Variants in CSMD1 observed in about 807,000 individuals in gnomAD.
CSMD1 encodes CUB and Sushi multiple domains 1, also known as CUB and sushi domain-containing protein 1.
CSMD1 carries 213 observed loss-of-function variants against 417.5 expected under a neutral mutation model. That is an observed-to-expected ratio of 0.51 (90% CI 0.46 to 0.57). The LOEUF is 0.57. Among genes scored for constraint, CSMD1 ranks in the 20% least tolerant of loss-of-function variants. The pLI, the probability that CSMD1 is intolerant of heterozygous loss-of-function variation, is 0.00. For missense variants in CSMD1, 6,923 were observed against 4,529.7 expected (o/e 1.53, Z -15.17); for synonymous variants, 2,862 against 1,736.8 (o/e 1.65, Z -16.11).
intron 1 of CSMD1, among the ~76,000 whole-genome samples, chr8:4,883,141 A>G (rs1803517671): frequency 6.6e-6 from 1 of 152,146 alleles, no homozygotes; most frequent in South Asian, 2.1e-4. Flanking sequence ...AGAATTCAAT[A>G]TCGCAATGGG....
intron 2 of CSMD1, among the ~76,000 whole-genome samples, chr8:4,465,488 C>T (rs1396081144): frequency 1.3e-5 from 2 of 152,280 alleles, no homozygotes; most frequent in African/African-American, 2.4e-5. Context: ...GTTCGTCGTC[C>T]TCCCAAGAGG....
chr8:4,174,481 T>C (rs1305276107), intron 3 of CSMD1, among the ~76,000 whole-genome samples: 1 of 151,674 alleles, frequency 6.6e-6, no homozygotes, highest in Non-Finnish European at 1.5e-5. Context: ...TGGAAGGTTA[T>C]TAAATCTTTG....
In CSMD1 at chr8:4,391,605, C is replaced by G. The variant is rs1803854399; in HGVS notation, c.415+28348G>C. Among the ~76,000 whole-genome samples, 3 of 152,054 alleles carry G rather than the reference C, an allele frequency of 2.0e-5. No individual in the cohort carries two copies. The South Asian group carries it at 6.2e-4, about 32-fold the overall frequency. On this transcript the variant is annotated intron_variant, in intron 3 of 69. Coordinates refer to ENST00000635120, the MANE Select transcript of CSMD1 (RefSeq NM_033225.6). ...ACCCTATTTTTGCCCCCGCTTTTGACTCCAGACCAAGCAGAGGAAGTGAAA... is the reference window on the plus strand; with the variant it reads ...ACCCTATTTTTGCCCCCGCTTTTGAGTCCAGACCAAGCAGAGGAAGTGAAA...
chr8:4,717,261 A>G (rs1257180877), intron 1 of CSMD1, among the ~76,000 whole-genome samples: 4 of 150,494 alleles, frequency 2.7e-5, no homozygotes, highest in African/African-American at 9.9e-5. Context: ...GGATGAAAAT[A>G]GGGCCTCAAA....
At chr8:3,634,180 C>G (rs375522934) in intron 7 of CSMD1, among the ~76,000 whole-genome samples, 1 of 152,224 alleles carries the variant, frequency 6.6e-6, no homozygotes, top group South Asian at 2.1e-4. Context: ...AGAGTGTCTT[C>G]GTTTACCTGG....
At chr8:3,739,729 G>T (rs767799865) in intron 6 of CSMD1, among the ~76,000 whole-genome samples, 34 of 152,204 alleles carry the variant, frequency 2.2e-4, no homozygotes, top group Admixed American at 1.2e-3. Flanking sequence ...TTAAACTATT[G>T]ATCCACAGTT....
At chr8:3,338,794 G>A (rs1251367274) in intron 23 of CSMD1, among the ~76,000 whole-genome samples, 1 of 149,516 alleles carries the variant, frequency 6.7e-6, no homozygotes, top group Non-Finnish European at 1.5e-5. Context: ...AGATCCAGCT[G>A]TTCATCTCCA....
At chr8:3,681,175 G>A (rs1372113528) in intron 7 of CSMD1, among the ~76,000 whole-genome samples, 8 of 152,144 alleles carry the variant, frequency 5.3e-5, no homozygotes, top group Admixed American at 2.6e-4. Flanking sequence ...CATAGTGTTG[G>A]AAGTTCTGGC....
intron 2 of CSMD1, among the ~76,000 whole-genome samples, chr8:4,567,657 C>T (rs71523637): frequency 0.015 from 2,254 of 152,194 alleles, 22 homozygotes; most frequent in Non-Finnish European, 0.022. Flanking sequence ...CAATAAAGGA[C>T]GAAGGTTCTT....
intron 42 of CSMD1, among the ~76,000 whole-genome samples, chr8:3,114,142 G>T (rs1816708622): frequency 6.6e-6 from 1 of 152,154 alleles, no homozygotes; most frequent in South Asian, 2.1e-4. Context: ...CACTTGGGAG[G>T]CTGAAGTAGG....
At chr8:4,513,071 G>A (rs1257480577) in intron 2 of CSMD1, among the ~76,000 whole-genome samples, 1 of 152,118 alleles carries the variant, frequency 6.6e-6, no homozygotes, top group Non-Finnish European at 1.5e-5. Context: ...TATAAGGATG[G>A]ATACATGTTA....
At chr8:3,060,662 A>T (rs1226863702) in intron 49 of CSMD1, among the ~76,000 whole-genome samples, 4 of 152,204 alleles carry the variant, frequency 2.6e-5, no homozygotes, top group Non-Finnish European at 5.9e-5. Context: ...GGAAACAATC[A>T]GGTATTTCAA....
intron 3 of CSMD1, among the ~76,000 whole-genome samples, chr8:4,201,151 A>C (rs1468790176): frequency 6.6e-6 from 1 of 152,186 alleles, no homozygotes; most frequent in African/African-American, 2.4e-5. Flanking sequence ...GTAGAATTAA[A>C]ATGACTACTG....
chr8:4,791,060 G>A (rs926243945), intron 1 of CSMD1, among the ~76,000 whole-genome samples: 1 of 117,166 alleles, frequency 8.5e-6, no homozygotes, highest in Non-Finnish European at 2.0e-5. Flanking sequence ...AGCTAGTAGG[G>A]AGAGAGACGG....
intron 41 of CSMD1, among the ~76,000 whole-genome samples, chr8:3,139,835 T>C (rs1818322603): frequency 6.6e-6 from 1 of 152,032 alleles, no homozygotes; most frequent in Admixed American, 6.6e-5. Flanking sequence ...TCTGAAATAG[T>C]AGGAAGAGAG....
chr8:3,998,752 A>C (rs1042448292), intron 4 of CSMD1, among the ~76,000 whole-genome samples: 3 of 151,930 alleles, frequency 2.0e-5, no homozygotes, highest in Non-Finnish European at 2.9e-5. Flanking sequence ...TAACAATTAA[A>C]AAATTATTGG....
At chr8:3,756,132 G>A (rs1797643373) in intron 5 of CSMD1, among the ~76,000 whole-genome samples, 2 of 151,928 alleles carry the variant, frequency 1.3e-5, no homozygotes. Context: ...CGAGGCAGGT[G>A]GATCAAGAGG....
intron 25 of CSMD1, among the ~76,000 whole-genome samples, chr8:3,302,511 C>T (rs1188423270): frequency 6.6e-6 from 1 of 152,182 alleles, no homozygotes; most frequent in Non-Finnish European, 1.5e-5. Context: ...CTCATTTCTT[C>T]CCTGCATGTC....
In CSMD1 at chr8:3,286,666, A is replaced by C. The variant is rs191953694; in HGVS notation, c.3951-2320T>G. Among the ~76,000 whole-genome samples the C allele has an allele frequency of 9.2e-4, 120 of 129,750 alleles. 3 individuals carry two copies. The highest frequency in any genetic ancestry group is 8.1e-3 in the Middle Eastern group (2 of 246). The allele number at this position is 129,750 out of a possible 152,430, so 85.1% of individuals were successfully genotyped here. ...GTTCATATCCTTCACCCACTTATTG[A>C]AGGGGTTGTTTTTTTCTTGTAAATT... On this transcript the variant is annotated intron_variant, in intron 25 of 69. Transcript: ENST00000635120.
Sources: gnomAD v4.1 joint callset for allele counts (sites outside exome capture counted in the v4.1 genomes callset) on GRCh38, gnomAD v4.1.1 for gene constraint, MANE v1.5 for transcripts, NCBI Gene and HGNC (gene_info 2026-07-23, HGNC 2026-07-21) for gene names.